ZFHX3: variants seen among roughly 807,000 people sequenced by gnomAD.
ZFHX3 encodes zinc finger homeobox protein 3.
ZFHX3 carries 42 observed loss-of-function variants against 279.1 expected under a neutral mutation model. The ratio of observed to expected loss-of-function variants is 0.15; its 90% CI spans 0.12 to 0.19. The LOEUF is 0.19. Ranked by LOEUF, ZFHX3 falls within the 10% of genes least tolerant of loss-of-function variation. The pLI is 1.00. For synonymous variants in ZFHX3, 2,293 were observed against 1,957.8 expected (o/e 1.17, Z -4.52); for missense variants, 4,981 against 4,754.0 (o/e 1.05, Z -1.40).
At chr16:72,879,106 C>A (rs923087960) in intron 4 of ZFHX3, among the ~76,000 whole-genome samples, 8 of 152,118 alleles carry the variant, frequency 5.3e-5, no homozygotes, top group African/African-American at 1.9e-4. Context: ...AAGTGAAGGA[C>A]GGGCTCCGAA....
chr16:73,056,355 A>C (rs1335535954), intron 1 of ZFHX3, among the ~76,000 whole-genome samples: 1 of 151,730 alleles, frequency 6.6e-6, no homozygotes, highest in Non-Finnish European at 1.5e-5. Flanking sequence ...TTATTTTCCT[A>C]TCTCTAATAT....
At chr16:73,093,193 C>A (rs560022615) in intron 8 of ZFHX3, 2 of 519,964 alleles carry the variant, frequency 3.8e-6, no homozygotes, top group East Asian at 5.5e-5. Context: ...AAACTCTGGA[C>A]GACCACGCGC....
intron 4 of ZFHX3, among the ~76,000 whole-genome samples, chr16:72,864,555 A>G (rs553772647): frequency 6.6e-6 from 1 of 152,326 alleles, no homozygotes; most frequent in Admixed American, 6.5e-5. Context: ...ACTGTCATGT[A>G]TCGATAGACA....
intron 2 of ZFHX3, among the ~76,000 whole-genome samples, chr16:73,563,640 G>A (rs968348492): frequency 6.6e-6 from 1 of 152,080 alleles, no homozygotes; most frequent in African/African-American, 2.4e-5. Flanking sequence ...AATAATCTAA[G>A]TACAACATCA....
intron 3 of ZFHX3, among the ~76,000 whole-genome samples, chr16:72,931,535 T>G (rs980125588): frequency 4.9e-5 from 7 of 142,210 alleles, no homozygotes; most frequent in Admixed American, 4.4e-4. Context: ...ACTTCCAACG[T>G]ACCGACAGGG....
intron 4 of ZFHX3, among the ~76,000 whole-genome samples, chr16:72,877,894 G>T (rs183004623): frequency 6.6e-6 from 1 of 152,218 alleles, no homozygotes; most frequent in Non-Finnish European, 1.5e-5. Context: ...GGTGAAGGAG[G>T]CAACTCACAC....
chr16:73,227,964 C>T (rs1168565536), intron 5 of ZFHX3, among the ~76,000 whole-genome samples: 2 of 151,020 alleles, frequency 1.3e-5, no homozygotes, highest in Non-Finnish European at 2.9e-5. Context: ...AAGCAACTGA[C>T]ACCTATAACT....
chr16:73,369,236 A>T (rs1454498610), intron 3 of ZFHX3, among the ~76,000 whole-genome samples: 1 of 152,228 alleles, frequency 6.6e-6, no homozygotes, highest in Non-Finnish European at 1.5e-5. Context: ...TGGATTTAGT[A>T]GGGTTGAAAC....
intron 1 of ZFHX3, among the ~76,000 whole-genome samples, chr16:73,721,111 A>G (rs1038526039): frequency 1.3e-5 from 2 of 151,832 alleles, no homozygotes; most frequent in South Asian, 2.1e-4. Flanking sequence ...TTCTTCCTCC[A>G]TATTTTCTTT....
At chr16:73,789,900 C>T (rs1959771246) in intron 1 of ZFHX3, among the ~76,000 whole-genome samples, 1 of 152,136 alleles carries the variant, frequency 6.6e-6, no homozygotes. Flanking sequence ...TAAACAAGGC[C>T]TTTTTCTCCT....
chr16:72,855,844 A>T (rs1259040675), intron 4 of ZFHX3, among the ~76,000 whole-genome samples: 9 of 152,170 alleles, frequency 5.9e-5, no homozygotes, highest in Admixed American at 5.9e-4. Context: ...GTTGACAAGG[A>T]CTGACAAAAG....
chr16:73,355,670 A>G (rs2016327622), intron 3 of ZFHX3, among the ~76,000 whole-genome samples: 1 of 152,212 alleles, frequency 6.6e-6, no homozygotes, highest in Admixed American at 6.5e-5. Context: ...CAGATCAAGG[A>G]CCTTGGAGTC....
intron 4 of ZFHX3, among the ~76,000 whole-genome samples, chr16:73,263,658 T>C (rs2144971026): frequency 6.6e-6 from 1 of 152,284 alleles, no homozygotes; most frequent in South Asian, 2.1e-4. Flanking sequence ...CCATCGTCCT[T>C]CTGCAGCAGC....
intron 1 of ZFHX3, among the ~76,000 whole-genome samples, chr16:73,838,009 C>G (rs1961189580): frequency 6.6e-6 from 1 of 152,210 alleles, no homozygotes; most frequent in Admixed American, 6.5e-5. Context: ...CATAAAGCCC[C>G]AGTGTCACTG....
chr16:73,024,333 C>T (rs1002724329), intron 1 of ZFHX3, among the ~76,000 whole-genome samples: 3 of 152,172 alleles, frequency 2.0e-5, no homozygotes, highest in Non-Finnish European at 4.4e-5. Context: ...GCAGACGCCA[C>T]TGAATTGATG....
intron 2 of ZFHX3, among the ~76,000 whole-genome samples, chr16:73,478,399 G>T (rs573202210): frequency 1.3e-5 from 2 of 151,914 alleles, no homozygotes; most frequent in Non-Finnish European, 2.9e-5. Context: ...CTTCTTCCCT[G>T]CTAGTTTATT....
intron 8 of ZFHX3, among the ~76,000 whole-genome samples, chr16:73,077,636 C>G (rs201915521): frequency 2.0e-5 from 3 of 151,986 alleles, no homozygotes; most frequent in African/African-American, 7.3e-5. Context: ...AGTAAATGGT[C>G]AAGGTATATG....
intron 1 of ZFHX3, among the ~76,000 whole-genome samples, chr16:73,833,892 A>ATGTATG (rs1961067713): frequency 1.3e-5 from 2 of 150,836 alleles, no homozygotes; most frequent in South Asian, 4.3e-4. Flanking sequence ...ATATATGTAT[A>ATGTATG]TGTATGTGTA....
chr16:73,671,928 A>G (rs1050392692), intron 2 of ZFHX3, among the ~76,000 whole-genome samples: 7 of 152,122 alleles, frequency 4.6e-5, no homozygotes, highest in East Asian at 1.9e-4. Context: ...TCACTTGCCA[A>G]TCTTCAGCTA....
Sources: allele counts gnomAD v4.1 joint callset (sites outside exome capture counted in the v4.1 genomes callset), GRCh38; gene constraint gnomAD v4.1.1; transcripts MANE v1.5; gene names NCBI Gene and HGNC (gene_info 2026-07-23, HGNC 2026-07-21).